Variants in CHRM3 observed in about 807,000 individuals in gnomAD.
CHRM3 encodes muscarinic acetylcholine receptor M3.
Under a neutral mutation model 41.8 loss-of-function variants are expected in CHRM3, and 11 were observed. The ratio of observed to expected loss-of-function variants is 0.26; its 90% CI spans 0.17 to 0.44. The LOEUF is 0.44. Among genes scored for constraint, CHRM3 ranks in the 20% least tolerant of loss-of-function variants. The pLI, the probability that CHRM3 is intolerant of heterozygous loss-of-function variation, is 1.00. For synonymous variants in CHRM3, 297 were observed against 301.4 expected (o/e 0.99, Z 0.15); for missense variants, 571 against 745.4 (o/e 0.77, Z 2.72).
chr1:239,634,676 C>G lies in CHRM3; in HGVS notation c.-250+2390C>G, dbSNP rs185007626. On this transcript the variant is annotated intron_variant, in intron 4 of 6. Coordinates refer to ENST00000676153, the MANE Select transcript of CHRM3 (RefSeq NM_001375978.1). ...ATCTTCATTAATTCACTCTTGTTGA[C>G]TTGGTTCAGAAAAAAAAATACAGGT... Among the ~76,000 whole-genome samples, 435 of 151,154 alleles carry G rather than the reference C, an allele frequency of 2.9e-3. 1 individual carries two copies. Among genetic ancestry groups the G allele is most frequent in the African/African-American group, 0.01 (419 of 41,230 alleles).
At chr1:239,618,320 C>T (rs1406186858) in intron 3 of CHRM3, among the ~76,000 whole-genome samples, 4 of 129,064 alleles carry the variant, frequency 3.1e-5, no homozygotes, top group African/African-American at 1.2e-4. Flanking sequence ...TGGTAAGGCA[C>T]AGAGGAAACT....
At chr1:239,851,602 C>T (rs567694408) in intron 6 of CHRM3, among the ~76,000 whole-genome samples, 1 of 152,232 alleles carries the variant, frequency 6.6e-6, no homozygotes, top group South Asian at 2.1e-4. Context: ...ATTAAACACC[C>T]ACAGCCCTTT....
At chr1:239,689,114 T>C (rs909616177) in intron 5 of CHRM3, among the ~76,000 whole-genome samples, 5 of 151,858 alleles carry the variant, frequency 3.3e-5, no homozygotes, top group African/African-American at 1.2e-4. Flanking sequence ...ACCTTCTTTC[T>C]AATACAATAC....
intron 5 of CHRM3, among the ~76,000 whole-genome samples, chr1:239,808,641 A>G (rs572075521): frequency 2.0e-5 from 3 of 152,192 alleles, no homozygotes; most frequent in Non-Finnish European, 4.4e-5. Flanking sequence ...ACCGCTTCCT[A>G]TAACTAGAAG....
intron 2 of CHRM3, among the ~76,000 whole-genome samples, chr1:239,509,709 T>C (rs576179775): frequency 6.6e-6 from 1 of 152,350 alleles, no homozygotes; most frequent in East Asian, 1.9e-4. Flanking sequence ...CTATATTCAG[T>C]ACATAAAATA....
intron 6 of CHRM3, among the ~76,000 whole-genome samples, chr1:239,857,083 G>A (rs1436731506): frequency 1.3e-5 from 2 of 152,206 alleles, no homozygotes; most frequent in Non-Finnish European, 2.9e-5. Flanking sequence ...GCATTCAAGA[G>A]TCTCTTTAAA....
intron 3 of CHRM3, chr1:239,629,664 G>T (rs951644129): frequency 6.6e-6 from 1 of 152,148 alleles, no homozygotes; most frequent in Non-Finnish European, 1.5e-5. Flanking sequence ...TATTGTGGTG[G>T]TATGAAACCA....
chr1:239,519,288 C>T (rs1205865392), intron 2 of CHRM3, among the ~76,000 whole-genome samples: 3 of 152,032 alleles, frequency 2.0e-5, no homozygotes, highest in Admixed American at 2.0e-4. Flanking sequence ...TATACAGATG[C>T]TCCTCTAGGA....
At chr1:239,836,914 G>A (rs1237018839) in intron 6 of CHRM3, among the ~76,000 whole-genome samples, 1 of 151,508 alleles carries the variant, frequency 6.6e-6, no homozygotes, top group Non-Finnish European at 1.5e-5. Context: ...GGTGGAAGTT[G>A]CAGCGAGCCG....
At chr1:239,449,184 G>C (rs1664381844) in intron 1 of CHRM3, among the ~76,000 whole-genome samples, 2 of 152,110 alleles carry the variant, frequency 1.3e-5, no homozygotes, top group African/African-American at 4.8e-5. Flanking sequence ...GTTTTCTGCT[G>C]CATTTACAAT....
chr1:239,877,710 C>T lies in CHRM3; in HGVS notation c.-19-29723C>T, dbSNP rs554267536. 2.0e-3 allele frequency among the ~76,000 whole-genome samples: 308 copies of T among 151,818 alleles called. 2 individuals are homozygous for T. The highest frequency in any genetic ancestry group is 2.7e-3 in the Non-Finnish European group (186 of 68,010). On this transcript the variant is annotated intron_variant, in intron 6 of 6. Transcript: ENST00000676153. ...CAATGGGCTGCTTCATGCTTCTTCTCATGAGGGGAAATATTCAGATTTTTT... is the reference window on the plus strand; with the variant it reads ...CAATGGGCTGCTTCATGCTTCTTCTTATGAGGGGAAATATTCAGATTTTTT...
At chr1:239,817,789 T>A (rs1671715174) in intron 5 of CHRM3, among the ~76,000 whole-genome samples, 1 of 152,084 alleles carries the variant, frequency 6.6e-6, no homozygotes, top group South Asian at 2.1e-4. Flanking sequence ...TCCGTCCCAT[T>A]AAGCAGCTAC....
At chr1:239,808,516 T>C (rs987877770) in intron 5 of CHRM3, among the ~76,000 whole-genome samples, 1 of 152,020 alleles carries the variant, frequency 6.6e-6, no homozygotes, top group African/African-American at 2.4e-5. Flanking sequence ...CTTTCCCAGC[T>C]GTAGTACGAG....
At chr1:239,861,070 T>C (rs1227723988) in intron 6 of CHRM3, among the ~76,000 whole-genome samples, 1 of 152,182 alleles carries the variant, frequency 6.6e-6, no homozygotes, top group Non-Finnish European at 1.5e-5. Flanking sequence ...CTTGTTTTTC[T>C]TTCTATCAGT....
chr1:239,496,795 G>A (rs1667917908), intron 2 of CHRM3, among the ~76,000 whole-genome samples: 1 of 152,040 alleles, frequency 6.6e-6, no homozygotes, highest in Non-Finnish European at 1.5e-5. Context: ...TTGGTTGCAT[G>A]TATGATGTTC....
chr1:239,674,140 T>C (rs1424305320), intron 4 of CHRM3, among the ~76,000 whole-genome samples: 1 of 152,168 alleles, frequency 6.6e-6, no homozygotes, highest in Non-Finnish European at 1.5e-5. Flanking sequence ...GTTACGGTGA[T>C]CATTTTCCTA....
intron 5 of CHRM3, among the ~76,000 whole-genome samples, chr1:239,819,949 A>G (rs977257654): frequency 6.6e-6 from 1 of 152,060 alleles, no homozygotes; most frequent in Non-Finnish European, 1.5e-5. Context: ...GTCCAACCGG[A>G]TGCCTGGAGA....
At chr1:239,592,496 C>G (rs1024642316) in intron 3 of CHRM3, among the ~76,000 whole-genome samples, 1 of 152,092 alleles carries the variant, frequency 6.6e-6, no homozygotes, top group African/African-American at 2.4e-5. Flanking sequence ...TATAGATATC[C>G]CTATTTTTGA....
intron 3 of CHRM3, among the ~76,000 whole-genome samples, chr1:239,599,160 C>T (rs1221663149): frequency 6.6e-6 from 1 of 152,148 alleles, no homozygotes; most frequent in Non-Finnish European, 1.5e-5. Context: ...TTATTTTCTG[C>T]TCTGCCAACT....
Sources: allele counts gnomAD v4.1 joint callset (sites outside exome capture counted in the v4.1 genomes callset), GRCh38; gene constraint gnomAD v4.1.1; transcripts MANE v1.5; gene names NCBI Gene and HGNC (gene_info 2026-07-23, HGNC 2026-07-21).